CEP83: variants seen among roughly 807,000 people sequenced by gnomAD.
CEP83 encodes the protein centrosomal protein of 83 kDa.
Under a neutral mutation model 101.9 loss-of-function variants are expected in CEP83, and 70 were observed. That is an observed-to-expected ratio of 0.69 (90% CI 0.57 to 0.84). The LOEUF (loss-of-function observed/expected upper bound fraction) is 0.84. CEP83 is among the 40% of genes least tolerant of loss of function. CEP83 has a pLI of 0.00. For missense variants in CEP83, 715 were observed against 787.2 expected, an observed-to-expected ratio of 0.91 and a Z score of 1.10; for synonymous variants, 264 against 267.9, an observed-to-expected ratio of 0.99 and a Z score of 0.14.
intron 11 of CEP83, among the ~76,000 whole-genome samples, chr12:94,346,935 G>A (rs1231198867): frequency 1.3e-5 from 2 of 152,022 alleles, no homozygotes; most frequent in Non-Finnish European, 2.9e-5. Flanking sequence ...CTACTCAGGA[G>A]GCTGAGGTGG....
intron 15 of CEP83, among the ~76,000 whole-genome samples, chr12:94,310,584 G>C (rs1364691339): frequency 1.3e-5 from 2 of 152,124 alleles, no homozygotes; most frequent in Non-Finnish European, 2.9e-5. Flanking sequence ...CCTCATAATG[G>C]AAAAGTTGGT....
intron 6 of CEP83, among the ~76,000 whole-genome samples, chr12:94,396,236 G>C (rs1293010713): frequency 3.4e-5 from 5 of 148,660 alleles, no homozygotes; most frequent in African/African-American, 5.0e-5. Context: ...CCTGTATGAA[G>C]TCCCAGACTT....
the CEP83 span, among the ~76,000 whole-genome samples, chr12:94,301,312 A>G: frequency 7.9e-5 from 12 of 152,252 alleles, no homozygotes; most frequent in South Asian, 2.1e-4. Flanking sequence ...ATCACAAAGT[A>G]TGCGTTTTGT....
chr12:94,326,877 G>A (rs1021949474), intron 14 of CEP83, among the ~76,000 whole-genome samples: 1 of 152,166 alleles, frequency 6.6e-6, no homozygotes, highest in Admixed American at 6.5e-5. Context: ...GCTCCTGCTG[G>A]CACTCTGACT....
chr12:94,428,176 C>T (rs1342526154), intron 2 of CEP83, among the ~76,000 whole-genome samples: 1 of 152,220 alleles, frequency 6.6e-6, no homozygotes, highest in African/African-American at 2.4e-5. Context: ...AGTAATGACT[C>T]AACCTCAAAT....
chr12:94,306,298 T>C (rs1449644723), downstream of CEP83: 1 of 152,110 alleles, frequency 6.6e-6, no homozygotes, highest in African/African-American at 2.4e-5. Flanking sequence ...TAAATATATA[T>C]ATTTGAGGCC....
chr12:94,402,944 C>T (rs1593756424), intron 5 of CEP83: 1 of 339,070 alleles, frequency 2.9e-6, no homozygotes, highest in Non-Finnish European at 5.3e-6. Context: ...AATAAAGAAA[C>T]GCACCAATTC....
the CEP83 span, chr12:94,297,357 G>A: frequency 6.2e-7 from 1 of 1,614,064 alleles, no homozygotes; most frequent in South Asian, 1.1e-5. Context: ...TGCAAGGAAA[G>A]AGACATCGAG....
intron 14 of CEP83, among the ~76,000 whole-genome samples, chr12:94,314,100 G>C (rs1353043353): frequency 5.9e-5 from 9 of 151,992 alleles, no homozygotes; most frequent in African/African-American, 2.2e-4. Flanking sequence ...GGAGTGTATG[G>C]AAAAAAGTAG....
intron 6 of CEP83, among the ~76,000 whole-genome samples, chr12:94,388,198 C>T (rs10777591): frequency 0.57 from 86,155 of 152,072 alleles, 24,433 homozygotes; most frequent in African/African-American, 0.59. Context: ...CAATGGTGAA[C>T]TGGATAAAGA....
intron 4 of CEP83, among the ~76,000 whole-genome samples, chr12:94,405,407 C>G (rs962708330): frequency 2.6e-5 from 4 of 152,006 alleles, no homozygotes; most frequent in African/African-American, 9.7e-5. Flanking sequence ...TCAAAATAAT[C>G]CAGAAACATT....
chr12:94,454,886 T>C (rs1466207450), intron 1 of CEP83, among the ~76,000 whole-genome samples: 1 of 148,158 alleles, frequency 6.7e-6, no homozygotes, highest in Non-Finnish European at 1.5e-5. Context: ...CCGGGAGGAA[T>C]GAACAACTCC....
the CEP83 span, among the ~76,000 whole-genome samples, chr12:94,291,820 G>A: frequency 4.6e-5 from 7 of 152,124 alleles, no homozygotes; most frequent in African/African-American, 1.7e-4. Flanking sequence ...AGGGTATACT[G>A]CATGATGCTG....
chr12:94,273,321 A>C, the CEP83 span, among the ~76,000 whole-genome samples: 1 of 152,066 alleles, frequency 6.6e-6, no homozygotes, highest in Admixed American at 6.5e-5. Context: ...CAAGTCCTCC[A>C]CCCATACTTC....
the CEP83 span, among the ~76,000 whole-genome samples, chr12:94,288,688 G>A: frequency 6.6e-6 from 1 of 152,218 alleles, no homozygotes; most frequent in Admixed American, 6.5e-5. Flanking sequence ...CTCAAGCCCT[G>A]AGAAACAAGA....
At position 94,325,853 on chromosome 12, in the gene CEP83, T is replaced by C. The variant is rs139556691; in HGVS notation, c.1707+5847A>G. Among the ~76,000 whole-genome samples, 119 of 152,230 alleles carry C rather than the reference T, an allele frequency of 7.8e-4. 1 individual carries two copies. The East Asian group carries it at 0.022, about 28-fold the overall frequency. On this transcript the variant is annotated intron_variant, in intron 14 of 16. Coordinates refer to ENST00000397809, the MANE Select transcript of CEP83 (RefSeq NM_016122.3). ...ATGGGCACCCAGAATGTGACTGTGG[T>C]ATAAGAAGAAATATATTTGGTCTTT...
At position 94,368,095 on chromosome 12, in the gene CEP83, T is replaced by C; in HGVS notation, c.1155A>G (p.Glu385=). Residue 385 remains glutamate, a synonymous_variant, in exon 10 of 17, where the codon GAA becomes GAG. Coordinates refer to ENST00000397809, the MANE Select transcript of CEP83 (RefSeq NM_016122.3). Reference sequence around the variant, plus strand: ...ATACCACAAGTTTTTGATAACCTTCTTCTTTGGCAGCTTGTACTTTACGTA... The same window carrying C: ...ATACCACAAGTTTTTGATAACCTTCCTCTTTGGCAGCTTGTACTTTACGTA... The part of the protein sequence containing the change: ...ELIRKVQAAK[E]EGYQKLVVLQ... 2 of 1,613,594 alleles carry C rather than the reference T, an allele frequency of 1.2e-6. No homozygotes were observed. Among genetic ancestry groups the C allele is most frequent in the Non-Finnish European group, 8.5e-7 (1 of 1,179,720 alleles).
the CEP83 span, among the ~76,000 whole-genome samples, chr12:94,284,008 G>A: frequency 5.9e-5 from 9 of 151,690 alleles, no homozygotes; most frequent in East Asian, 1.9e-4. Context: ...GCTTGAACCC[G>A]GGAGGCGGAG....
In CEP83 at chr12:94,403,194, T is replaced by G. The variant is rs1272493930; in HGVS notation, c.393A>C (p.Arg131Ser). 5.7e-6 allele frequency: 9 copies of G among 1,577,204 alleles called. No individual in the cohort carries two copies. The South Asian group carries it at 1.0e-4, about 18-fold the overall frequency. Residue 131 changes from arginine (R) to serine (S), a missense_variant, in exon 5 of 17, where the codon AGA (arginine) becomes AGC (serine). Arg to Ser is a moderately radical substitution (Grantham distance 110). Transcript: ENST00000397809. ...CTTCATCTAGATTCCTAAAACGTTC[T>G]CTCATTGGAGTTTCTAATTCTTGTT... ...QIQQELETPM[R>S]ERFRNLDEEV... is the part of the protein sequence containing the mutation.
Sources: allele counts gnomAD v4.1 joint callset (sites outside exome capture counted in the v4.1 genomes callset), GRCh38; gene constraint gnomAD v4.1.1; transcripts MANE v1.5; gene names NCBI Gene and HGNC (gene_info 2026-07-23, HGNC 2026-07-21).